Variants in PTPRM observed in about 807,000 individuals in gnomAD.
PTPRM encodes the protein protein tyrosine phosphatase receptor type M, also known as receptor-type tyrosine-protein phosphatase mu.
Under a neutral mutation model 186.7 loss-of-function variants are expected in PTPRM, and 47 were observed. The observed-to-expected ratio is 0.25, with a 90% CI of 0.20 to 0.32. The LOEUF is 0.32. Ranked by LOEUF, PTPRM falls within the 10% of genes least tolerant of loss-of-function variation. The pLI is 1.00. For synonymous variants in PTPRM, 668 were observed against 674.9 expected, an observed-to-expected ratio of 0.99 and a Z score of 0.16; for missense variants, 1,494 against 1,865.0, an observed-to-expected ratio of 0.80 and a Z score of 3.66.
chr18:8,272,974 A>G (rs2094790834), intron 19 of PTPRM, among the ~76,000 whole-genome samples: 1 of 152,152 alleles, frequency 6.6e-6, no homozygotes, highest in Admixed American at 6.5e-5. Flanking sequence ...TATCTTTAGT[A>G]ATGTTTTTCT....
chr18:7,973,730 A>G (rs950324431), intron 7 of PTPRM, among the ~76,000 whole-genome samples: 1 of 152,154 alleles, frequency 6.6e-6, no homozygotes, highest in Non-Finnish European at 1.5e-5. Flanking sequence ...AGGGCTACCC[A>G]TACTCATTAA....
At chr18:7,715,285 G>T (rs775978049) in intron 1 of PTPRM, among the ~76,000 whole-genome samples, 5 of 152,058 alleles carry the variant, frequency 3.3e-5, no homozygotes, top group Admixed American at 6.5e-5. Context: ...ATCCAGAAAA[G>T]GCTTTTGACA....
At chr18:7,705,309 A>ATCTG (rs1568040993) in intron 1 of PTPRM, among the ~76,000 whole-genome samples, 5 of 146,882 alleles carry the variant, frequency 3.4e-5, no homozygotes, top group African/African-American at 1.2e-4. Context: ...CTATCTATCT[A>ATCTG]TCTATCTATC....
intron 1 of PTPRM, among the ~76,000 whole-genome samples, chr18:7,665,449 T>C (rs1400316269): frequency 6.6e-6 from 1 of 152,208 alleles, no homozygotes; most frequent in Non-Finnish European, 1.5e-5. Context: ...CGTAAATTTT[T>C]CCAGGCATAC....
intron 1 of PTPRM, among the ~76,000 whole-genome samples, chr18:7,749,984 G>A (rs1272818323): frequency 3.3e-5 from 5 of 152,164 alleles, no homozygotes; most frequent in South Asian, 2.1e-4. Flanking sequence ...GACACATAAC[G>A]TTGGTTAACT....
At chr18:8,214,912 T>C (rs2094058781) in intron 14 of PTPRM, among the ~76,000 whole-genome samples, 1 of 152,218 alleles carries the variant, frequency 6.6e-6, no homozygotes, top group South Asian at 2.1e-4. Context: ...ATCTGCCCCC[T>C]TGGCCTCCCA....
intron 14 of PTPRM, among the ~76,000 whole-genome samples, chr18:8,214,213 T>C (rs2094047458): frequency 6.6e-6 from 1 of 152,142 alleles, no homozygotes; most frequent in Non-Finnish European, 1.5e-5. Context: ...TTGCTATCCA[T>C]GTAACCAAAA....
chr18:7,725,616 C>T (rs887573437), intron 1 of PTPRM, among the ~76,000 whole-genome samples: 4 of 152,036 alleles, frequency 2.6e-5, no homozygotes, highest in Non-Finnish European at 5.9e-5. Flanking sequence ...AGCTGGACAT[C>T]GGAGACTATG....
Position 8,289,541 on chromosome 18 carries a change from T to TATATATAC in PTPRM, c.2755-6820_2755-6819insCATATATA, listed in dbSNP as rs1568674720. The stretch of plus-strand genomic sequence containing the variant: ...ATATATATACATATATATACACATA[T>TATATATAC]ATATATATACATATATATACACATA... On this transcript the variant is annotated intron_variant, in intron 19 of 32. Coordinates refer to ENST00000580170, the MANE Select transcript of PTPRM (RefSeq NM_001105244.2). 7.0e-4 allele frequency among the ~76,000 whole-genome samples: 57 copies of TATATATAC among 81,212 alleles called. 3 individuals carry two copies. Among genetic ancestry groups the TATATATAC allele is most frequent in the African/African-American group, 2.9e-3 (45 of 15,448 alleles). 53.3% of individuals were successfully genotyped at this position (81,212 alleles called of 152,430 possible).
At chr18:8,247,570 T>C (rs990096810) in intron 15 of PTPRM, among the ~76,000 whole-genome samples, 11 of 152,334 alleles carry the variant, frequency 7.2e-5, no homozygotes, top group Non-Finnish European at 1.3e-4. Context: ...AGAAGTCTGA[T>C]GAATTTCTCT....
At chr18:7,996,640 C>T (rs959045158) in intron 7 of PTPRM, among the ~76,000 whole-genome samples, 24 of 151,890 alleles carry the variant, frequency 1.6e-4, no homozygotes, top group African/African-American at 5.6e-4. Flanking sequence ...TTTAGAAATA[C>T]CTTAAAAACT....
At chr18:7,912,636 C>T (rs1363310782) in intron 4 of PTPRM, among the ~76,000 whole-genome samples, 8 of 151,572 alleles carry the variant, frequency 5.3e-5, no homozygotes, top group African/African-American at 1.5e-4. Flanking sequence ...CTCAGCCTCT[C>T]GAGTAGTTGG....
chr18:7,834,052 A>T (rs1470106390), intron 2 of PTPRM, among the ~76,000 whole-genome samples: 6 of 151,994 alleles, frequency 3.9e-5, no homozygotes, highest in African/African-American at 1.2e-4. Flanking sequence ...CTTTAATATG[A>T]TACTAGCTGT....
rs145076338 is a variant in PTPRM at position 7,953,977 on chromosome 18, C to G, written c.839-1144C>G. On this transcript the variant is annotated intron_variant, in intron 6 of 32. Transcript: ENST00000580170. The stretch of plus-strand genomic sequence containing the variant: ...AAAAGGCACAAACCACCCATAGATA[C>G]AGTCTTGAAAAAAATCACTAGATTT... Among the ~76,000 whole-genome samples, 334 of 152,178 alleles carry G rather than the reference C, an allele frequency of 2.2e-3. 4 individuals are homozygous for G. Among genetic ancestry groups the G allele is most frequent in the African/African-American group, 7.7e-3 (319 of 41,520 alleles).
intron 23 of PTPRM, among the ~76,000 whole-genome samples, chr18:8,366,374 A>G (rs1388298268): frequency 1.3e-5 from 2 of 152,196 alleles, no homozygotes; most frequent in African/African-American, 4.8e-5. Context: ...TTCAGGCCCC[A>G]CAAAGTCAGA....
chr18:8,352,670 G>A (rs1264333356), intron 23 of PTPRM, among the ~76,000 whole-genome samples: 1 of 56,996 alleles, frequency 1.8e-5, no homozygotes, highest in Non-Finnish European at 4.3e-5. Context: ...TTGTTTGTTT[G>A]TTTGTTTGTT....
chr18:8,289,587 T>C lies in PTPRM; in HGVS notation c.2755-6781T>C, dbSNP rs182644597. Among the ~76,000 whole-genome samples, 39 of 95,700 alleles carry C rather than the reference T, an allele frequency of 4.1e-4. 1 individual carries two copies. The highest frequency in any genetic ancestry group is 6.1e-3 in the Middle Eastern group (1 of 164). 62.8% of individuals were successfully genotyped at this position (95,700 alleles called of 152,430 possible). On this transcript the variant is annotated intron_variant, in intron 19 of 32. Transcript: ENST00000580170. ...ACATATATATATATACATATATATA[T>C]ACACATATATATATACACACATATA...
Position 8,076,462 on chromosome 18 carries a change from T to C in PTPRM, c.1449T>C (p.Gly483=), listed in dbSNP as rs913996110. The C allele has an allele frequency of 1.9e-6, 3 of 1,592,942 alleles. No individual in the cohort carries two copies. The highest frequency in any genetic ancestry group is 1.7e-6 in the Non-Finnish European group (2 of 1,162,518). The change falls in exon 9 of 33, where the codon GGT becomes GGC. Residue 483 remains glycine (G), a synonymous_variant. Transcript: ENST00000580170. ...CCTCCCACCCTCCTTTAGTCCCAGG[T>C]GCTGTTCCCACTGAATCCATACAAG... ...LIVQTDEDLP[G]AVPTESIQGS...
At chr18:8,102,031 G>T (rs1243842869) in intron 11 of PTPRM, among the ~76,000 whole-genome samples, 1 of 152,102 alleles carries the variant, frequency 6.6e-6, no homozygotes, top group South Asian at 2.1e-4. Flanking sequence ...TTGTTTCCTA[G>T]TGCATAGAAA....
Sources: allele counts gnomAD v4.1 joint callset (sites outside exome capture counted in the v4.1 genomes callset), GRCh38; gene constraint gnomAD v4.1.1; transcripts MANE v1.5; gene names NCBI Gene and HGNC (gene_info 2026-07-23, HGNC 2026-07-21).